The following ANK3 variants were observed in gnomAD, a reference collection of about 807,000 sequenced individuals.
The protein encoded by ANK3 is ankyrin-3.
In ANK3, 57 loss-of-function variants were observed where a neutral mutation model predicts 370.9. That is an observed-to-expected ratio of 0.15 (90% confidence interval 0.12 to 0.19). ANK3 has a LOEUF of 0.19. Among genes scored for constraint, ANK3 ranks in the 10% least tolerant of loss-of-function variants. The pLI, the probability that ANK3 is intolerant of heterozygous loss-of-function variation, is 1.00. For synonymous variants in ANK3, 1,929 were observed against 1,946.3 expected (o/e 0.99, Z 0.23); for missense variants, 4,439 against 5,302.1 (o/e 0.84, Z 5.06).
chr10:60,302,245 T>C (rs1230162428), intron 1 of ANK3, among the ~76,000 whole-genome samples: 1 of 152,062 alleles, frequency 6.6e-6, no homozygotes, highest in African/African-American at 2.4e-5. Flanking sequence ...ATCATAAGTG[T>C]GTGTTTAGGA....
intron 2 of ANK3, chr10:60,572,910 G>T: frequency 2.0e-6 from 2 of 1,016,870 alleles, no homozygotes; most frequent in Non-Finnish European, 2.4e-6. Flanking sequence ...AAGAGAGAGA[G>T]AGACACACAC....
At chr10:60,539,740 C>T (rs1208488311) in intron 2 of ANK3, among the ~76,000 whole-genome samples, 1 of 151,864 alleles carries the variant, frequency 6.6e-6, no homozygotes, top group Admixed American at 6.6e-5. Flanking sequence ...AAGAGACAGC[C>T]TCTGCAAGAC....
At chr10:60,510,805 G>A (rs2076059912) in intron 2 of ANK3, among the ~76,000 whole-genome samples, 1 of 151,988 alleles carries the variant, frequency 6.6e-6, no homozygotes, top group Non-Finnish European at 1.5e-5. Context: ...GGGCGACAGA[G>A]AAAGACTCTG....
rs1329992393 is a variant in ANK3 at position 60,205,675 on chromosome 10, T to C, written c.1293+117A>G. 3 of 736,926 alleles carry C rather than the reference T, an allele frequency of 4.1e-6. No individual in the cohort carries two copies. In the East Asian group the frequency reaches 7.6e-5, roughly 19 times the overall value. 45.6% of individuals were successfully genotyped at this position (736,926 alleles called of 1,614,324 possible). On this transcript the variant is annotated intron_variant, in intron 11 of 43. Transcript: ENST00000280772. ...TCTTCCTAAAGAGTTCAGAATGCAG[T>C]CTATGGCCATGATATGCAAACAAAC...
At chr10:60,639,795 C>T (rs2078605063) in intron 1 of ANK3, among the ~76,000 whole-genome samples, 1 of 151,628 alleles carries the variant, frequency 6.6e-6, no homozygotes. Context: ...GAATGGAAAA[C>T]AAAAACAGAA....
At chr10:60,218,097 CTTTTTTTTTTTT>C in intron 8 of ANK3, among the ~76,000 whole-genome samples, 1 of 126,172 alleles carries the variant, frequency 7.9e-6, no homozygotes, top group East Asian at 2.2e-4. Flanking sequence ...CTTTTTCTTT[CTTTTTTTTTTTT>C]TTTTTTTTGC....
intron 2 of ANK3, among the ~76,000 whole-genome samples, chr10:60,414,490 G>T (rs1478638049): frequency 6.6e-6 from 1 of 152,132 alleles, no homozygotes; most frequent in African/African-American, 2.4e-5. Flanking sequence ...GGACAAGCTT[G>T]TCTAATTAAT....
At chr10:60,306,124 G>A (rs545299699) in intron 1 of ANK3, among the ~76,000 whole-genome samples, 12 of 152,060 alleles carry the variant, frequency 7.9e-5, no homozygotes, top group Admixed American at 6.5e-4. Flanking sequence ...GCTATTTAGA[G>A]GTGGTTTCTG....
chr10:60,275,861 G>A (rs7917111), intron 4 of ANK3, among the ~76,000 whole-genome samples: 73,988 of 152,008 alleles, frequency 0.49, 18,181 homozygotes, highest in East Asian at 0.64. Flanking sequence ...GAGAAGGAGA[G>A]AAGAGTGGGG....
At position 60,125,883 on chromosome 10, in the gene ANK3, AT is replaced by A. The variant is rs1343310952; in HGVS notation, c.2841+8387del. 3.3e-5 allele frequency among the ~76,000 whole-genome samples: 5 copies of A among 152,328 alleles called. No homozygotes were observed. The South Asian group carries it at 6.2e-4, about 19-fold the overall frequency. On this transcript the variant is annotated intron_variant, in intron 25 of 43. Coordinates refer to ENST00000280772, the MANE Select transcript of ANK3 (RefSeq NM_020987.5). ...TTCACACTACTTGCTAACATATCAA[AT>A]TGTACATTACACATTATATGACTAA... is the stretch of plus-strand genomic sequence containing the variant.
At chr10:60,471,229 T>G (rs1285273912) in intron 2 of ANK3, among the ~76,000 whole-genome samples, 2 of 152,116 alleles carry the variant, frequency 1.3e-5, no homozygotes, top group Non-Finnish European at 2.9e-5. Flanking sequence ...GGTCCCTATC[T>G]TCAAGGAAAA....
intron 43 of ANK3, among the ~76,000 whole-genome samples, chr10:60,037,509 T>C (rs1232719301): frequency 6.6e-6 from 1 of 152,202 alleles, no homozygotes; most frequent in Non-Finnish European, 1.5e-5. Flanking sequence ...TGTGTTCTCA[T>C]CATTTAGCTT....
At position 60,072,135 on chromosome 10, in the gene ANK3, T is replaced by C. The variant is rs375389082; in HGVS notation, c.8746A>G (p.Ile2916Val). Residue 2916 changes from isoleucine (I) to valine (V), a missense_variant, in exon 37 of 44, where the codon ATT (isoleucine) becomes GTT (valine). This residue lies in a region of ANK3 where 1,601 missense variants were observed against 1,731.7 expected (regional missense o/e 0.92). Transcript: ENST00000280772. ...KLLTNGSLSEIKEMTVKSPSK... is the reference protein window; with the variant it reads ...KLLTNGSLSEVKEMTVKSPSK... Reference sequence around the variant, plus strand: ...GGAGATTTTACAGTCATTTCTTTAATTTCTGAGAGAGAGCCGTTTGTTAAC... The same window carrying C: ...GGAGATTTTACAGTCATTTCTTTAACTTCTGAGAGAGAGCCGTTTGTTAAC... 3.8e-5 allele frequency: 61 copies of C among 1,613,856 alleles called. No homozygotes were observed. The highest frequency in any genetic ancestry group is 5.2e-5 in the Non-Finnish European group (61 of 1,180,006).
At position 60,453,290 on chromosome 10, in the gene ANK3, G is replaced by A. The variant is rs944793361; in HGVS notation, c.96+161896C>T. On this transcript the variant is annotated intron_variant, in intron 2 of 43. Transcript: ENST00000373827. ...TGGCAAGTGCCAGCACAGACCGGGG[G>A]CTCTTTTCACCCTCTTTCACCACTC... Among the ~76,000 whole-genome samples, 3 of 152,264 alleles carry A rather than the reference G, an allele frequency of 2.0e-5. No homozygotes were observed. In the East Asian group the frequency reaches 5.8e-4, roughly 29 times the overall value.
rs1366156989 is a variant in ANK3, at chr10:60,072,968, T to C, written c.7913A>G (p.Glu2638Gly). The change falls in exon 37 of 44, where the codon GAA becomes GGA. Residue 2638 changes from glutamate to glycine, a missense_variant. Glu to Gly is a moderately conservative substitution (Grantham distance 98). This residue lies in a region of ANK3 where 1,601 missense variants were observed against 1,731.7 expected (regional missense o/e 0.92). Transcript: ENST00000280772. ...SSSPEKVLLTELLASNDEWVK... is the reference protein window; with the variant it reads ...SSSPEKVLLTGLLASNDEWVK... ...CCACTCATCATTGGATGCCAGCAGT[T>C]CTGTCAGTAGCACTTTCTCAGGGCT... 6.2e-7 allele frequency: 1 copy of C among 1,614,128 alleles called. No individual in the cohort carries two copies. Among genetic ancestry groups the C allele is most frequent in the East Asian group, 2.2e-5 (1 of 44,860 alleles).
chr10:60,439,730 T>C (rs987199431), intron 2 of ANK3, among the ~76,000 whole-genome samples: 1 of 152,234 alleles, frequency 6.6e-6, no homozygotes, highest in African/African-American at 2.4e-5. Context: ...ACTTGCTATG[T>C]GGCTTTGGGT....
chr10:60,657,621 T>C (rs952582962), intron 1 of ANK3, among the ~76,000 whole-genome samples: 1 of 152,154 alleles, frequency 6.6e-6, no homozygotes, highest in South Asian at 2.1e-4. Context: ...CTATTGAAAC[T>C]GGTTTTAGGG....
At chr10:60,709,041 T>G (rs1170743333) in intron 1 of ANK3, among the ~76,000 whole-genome samples, 2 of 152,162 alleles carry the variant, frequency 1.3e-5, no homozygotes, top group Non-Finnish European at 2.9e-5. Context: ...TTCAGTGCCT[T>G]GTACACAATT....
At chr10:60,519,206 G>C (rs924085238) in intron 2 of ANK3, among the ~76,000 whole-genome samples, 2 of 152,132 alleles carry the variant, frequency 1.3e-5, no homozygotes, top group African/African-American at 4.8e-5. Flanking sequence ...AGAATGACAA[G>C]CTCCAGCAAA....
Sources: allele counts gnomAD v4.1 joint callset (sites outside exome capture counted in the v4.1 genomes callset), GRCh38; gene constraint gnomAD v4.1.1; regional missense constraint gnomAD v4.1.1; transcripts MANE v1.5; gene names NCBI Gene and HGNC (gene_info 2026-07-23, HGNC 2026-07-21).